The following OPRD1 variants were observed in gnomAD, a reference collection of about 807,000 sequenced individuals.
OPRD1 encodes the protein opioid receptor delta 1, also known as delta-type opioid receptor.
Under a neutral mutation model 17.5 loss-of-function variants are expected in OPRD1, and 19 were observed. The observed-to-expected ratio is 1.09, with a 90% confidence interval of 0.76 to 1.60. OPRD1 has a LOEUF of 1.60. OPRD1 is among the 40% of genes most tolerant of loss of function. The pLI, the probability that OPRD1 is intolerant of heterozygous loss-of-function variation, is 0.00. For missense variants in OPRD1, 483 were observed against 547.2 expected, an observed-to-expected ratio of 0.88 and a Z score of 1.17; for synonymous variants, 256 against 240.9, an observed-to-expected ratio of 1.06 and a Z score of -0.58.
At chr1:28,859,419 T>A in intron 2 of OPRD1, 116 bp downstream of exon 2, 1 of 843,262 alleles carries the variant, frequency 1.2e-6, no homozygotes, top group Non-Finnish European at 1.8e-6. Flanking sequence ...TCAGCAGAGG[T>A]TGGATTCTGA....
intron 1 of OPRD1, among the ~76,000 whole-genome samples, chr1:28,844,439 T>C (rs1459437072): frequency 6.6e-6 from 1 of 151,930 alleles, no homozygotes. Context: ...TACAAGCGCA[T>C]GTCACCATGC....
rs1388205296 is a variant in OPRD1 at position 28,868,772 on chromosome 1, A to C, written c.*5489A>C. On this transcript the variant is annotated 3_prime_UTR_variant, in exon 3 of 3. Transcript: ENST00000234961. ...GGAGAATCGCCTGAACCCAGGAAGC[A>C]GAGGTTACAGTGAGCCAAGATCTTG... 4 of 152,166 alleles carry C rather than the reference A, an allele frequency of 2.6e-5. No individual in the cohort carries two copies. In the East Asian group the frequency reaches 7.7e-4, roughly 29 times the overall value. 9.4% of individuals were successfully genotyped at this position (152,166 alleles called of 1,614,324 possible). A position where few individuals can be genotyped will look rare whatever the true frequency, so the allele number is the denominator to read the frequency against.
At chr1:28,846,829 C>CTTTCTTTCTTTCTTTCT (rs879806142) in intron 1 of OPRD1, among the ~76,000 whole-genome samples, 2 of 75,840 alleles carry the variant, frequency 2.6e-5, no homozygotes, top group Non-Finnish European at 5.2e-5. Context: ...CATTTTCTTT[C>CTTTCTTTCTTTCTTTCT]TTTCTTTCTT....
chr1:28,863,018 C>T lies in OPRD1; in HGVS notation c.854C>T (p.Thr285Met). ...ATCCACATCTTCGTCATCGTCTGGA[C>T]GCTGGTGGACATCGACCGGCGCGAC... ...APIHIFVIVW[T>M]LVDIDRRDPL... is the part of the protein sequence containing the mutation. Residue 285 changes from threonine to methionine, a missense_variant, in exon 3 of 3, where the codon ACG (threonine) becomes ATG (methionine). Coordinates refer to ENST00000234961, the MANE Select transcript of OPRD1 (RefSeq NM_000911.4). 6.2e-7 allele frequency: 1 copy of T among 1,608,744 alleles called. No individual in the cohort carries two copies. The highest frequency in any genetic ancestry group is 1.7e-5 in the Admixed American group (1 of 59,256).
intron 1 of OPRD1, among the ~76,000 whole-genome samples, chr1:28,829,062 C>T (rs2088791074): frequency 6.6e-6 from 1 of 151,510 alleles, no homozygotes; most frequent in Non-Finnish European, 1.5e-5. Flanking sequence ...ACTGACTTCT[C>T]TCTAGGAATG....
chr1:28,815,949 C>T (rs927674468), intron 1 of OPRD1, among the ~76,000 whole-genome samples: 5 of 152,104 alleles, frequency 3.3e-5, no homozygotes, highest in African/African-American at 4.8e-5. Flanking sequence ...GCTGTGTACT[C>T]GGGCTAGTGA....
At chr1:28,846,245 C>T (rs1383459667) in intron 1 of OPRD1, among the ~76,000 whole-genome samples, 3 of 152,210 alleles carry the variant, frequency 2.0e-5, no homozygotes, top group African/African-American at 7.2e-5. Flanking sequence ...ATCCTTCCAA[C>T]CTGGCAGAAA....
intron 1 of OPRD1, among the ~76,000 whole-genome samples, chr1:28,844,005 A>G (rs938856914): frequency 1.3e-5 from 2 of 152,144 alleles, no homozygotes; most frequent in African/African-American, 4.8e-5. Flanking sequence ...TTCTTCTACC[A>G]GAAGAGGAAC....
At chr1:28,848,346 C>A (rs1390170424) in intron 1 of OPRD1, among the ~76,000 whole-genome samples, 2 of 152,158 alleles carry the variant, frequency 1.3e-5, no homozygotes, top group Non-Finnish European at 2.9e-5. Context: ...TCATAGCACA[C>A]CTCCTCAGAG....
chr1:28,812,462 T>G lies in OPRD1; in HGVS notation c.79T>G (p.Cys27Gly). ...CGCCTCGGACGCCTACCCTAGCGCC[T>G]GCCCCAGCGCTGGCGCCAATGCGTC... is the stretch of plus-strand genomic sequence containing the variant. ...ANASDAYPSA[C>G]PSAGANASGP... The change falls in exon 1 of 3, where the codon TGC (cysteine) becomes GGC (glycine). Residue 27 changes from cysteine (C) to glycine (G), a missense_variant. Physicochemically the swap from Cys to Gly is radical, Grantham distance 159. Coordinates refer to ENST00000234961, the MANE Select transcript of OPRD1 (RefSeq NM_000911.4). 6.6e-7 allele frequency: 1 copy of G among 1,522,516 alleles called. No homozygotes were observed. Among genetic ancestry groups the G allele is most frequent in the Admixed American group, 2.0e-5 (1 of 49,564 alleles). The allele number at this position is 1,522,516 out of a possible 1,614,324, so 94.3% of individuals were successfully genotyped here.
chr1:28,816,274 T>G (rs1304701780), intron 1 of OPRD1, among the ~76,000 whole-genome samples: 1 of 151,968 alleles, frequency 6.6e-6, no homozygotes, highest in Non-Finnish European at 1.5e-5. Context: ...AGGGGCTATC[T>G]GTGAAAGTAT....
intron 2 of OPRD1, among the ~76,000 whole-genome samples, chr1:28,859,680 G>A (rs959469845): frequency 5.9e-5 from 9 of 152,206 alleles, no homozygotes; most frequent in African/African-American, 2.2e-4. Flanking sequence ...ATGGTTGGAT[G>A]TCCAGTGAGG....
At position 28,867,502 on chromosome 1, in the gene OPRD1, G is replaced by C. The variant is rs2089184759; in HGVS notation, c.*4219G>C. ...TTACAGGCGTGAGCCACCAAGCCCGGCCAATTTTTTTTTTTTTCAATAGAG... is the reference window on the plus strand; with the variant it reads ...TTACAGGCGTGAGCCACCAAGCCCGCCCAATTTTTTTTTTTTTCAATAGAG... On this transcript the variant is annotated 3_prime_UTR_variant, in exon 3 of 3. Transcript: ENST00000234961. 6.6e-6 allele frequency: 1 copy of C among 152,074 alleles called. No individual in the cohort carries two copies. Among genetic ancestry groups the C allele is most frequent in the African/African-American group, 2.4e-5 (1 of 41,390 alleles). The allele number at this position is 152,074 out of a possible 1,614,324, so 9.4% of individuals were successfully genotyped here.
chr1:28,853,661 GA>G (rs1274355824), intron 1 of OPRD1, among the ~76,000 whole-genome samples: 1 of 152,180 alleles, frequency 6.6e-6, no homozygotes, highest in Non-Finnish European at 1.5e-5. Flanking sequence ...AGGATGGGTA[GA>G]GGGGCAGCTG....
At chr1:28,833,032 G>T (rs889128146) in intron 1 of OPRD1, among the ~76,000 whole-genome samples, 2 of 152,150 alleles carry the variant, frequency 1.3e-5, no homozygotes, top group African/African-American at 4.8e-5. Context: ...GAAGAACCGA[G>T]AAATTACAAC....
rs764009052 is a variant in OPRD1, at chr1:28,863,262, C to T, written c.1098C>T (p.Pro366=). The T allele has an allele frequency of 1.2e-5, 18 of 1,470,264 alleles. No individual in the cohort carries two copies. Among genetic ancestry groups the T allele is most frequent in the African/African-American group, 2.9e-5 (2 of 69,624 alleles). The allele number at this position is 1,470,264 out of a possible 1,614,324, so 91.1% of individuals were successfully genotyped here. A position where few individuals can be genotyped will look rare whatever the true frequency, so the allele number is the denominator to read the frequency against. Residue 366 remains proline (P), a synonymous_variant, in exon 3 of 3, where the codon CCC becomes CCT. Transcript: ENST00000234961. ...RVTACTPSDG[P]GGGAAA ...CCGCCTGCACCCCGTCCGATGGTCC[C>T]GGCGGTGGCGCTGCCGCCTGACCAG...
intron 1 of OPRD1, among the ~76,000 whole-genome samples, chr1:28,837,018 A>G (rs1256611006): frequency 2.0e-5 from 3 of 152,216 alleles, no homozygotes; most frequent in Admixed American, 6.5e-5. Context: ...ATCATAATAT[A>G]TAATGAAATA....
At chr1:28,846,992 T>C (rs1020111790) in intron 1 of OPRD1, among the ~76,000 whole-genome samples, 1 of 150,508 alleles carries the variant, frequency 6.6e-6, no homozygotes, top group Non-Finnish European at 1.5e-5. Flanking sequence ...TTCTTTACTT[T>C]CTTCCTTTCC....
chr1:28,846,882 CTT>C (rs757325689), intron 1 of OPRD1, among the ~76,000 whole-genome samples: 105 of 55,646 alleles, frequency 1.9e-3, no homozygotes, highest in African/African-American at 3.7e-3. Flanking sequence ...TTCTTTCTTT[CTT>C]TCTTTCTTTT....
Sources: allele counts gnomAD v4.1 joint callset (sites outside exome capture counted in the v4.1 genomes callset), GRCh38; gene constraint gnomAD v4.1.1; transcripts MANE v1.5; gene names NCBI Gene and HGNC (gene_info 2026-07-23, HGNC 2026-07-21).